The following TMEM69 variants were observed in gnomAD, a reference collection of about 807,000 sequenced individuals.
TMEM69 encodes transmembrane protein 69, also known as chromosome 1 open reading frame 154.
Under a neutral mutation model 15.8 loss-of-function variants are expected in TMEM69, and 17 were observed. The observed-to-expected ratio is 1.07, with a 90% CI of 0.73 to 1.61. The LOEUF is 1.61. Ranked by LOEUF, TMEM69 falls within the 40% of genes most tolerant of loss-of-function variation. The pLI is 0.00. For missense variants in TMEM69, 230 were observed against 286.1 expected (o/e 0.80, Z 1.41); for synonymous variants, 80 against 98.6 (o/e 0.81, Z 1.12).
At chr1:45,693,062 A>C in intron 2 of TMEM69, 142 bp from the exon 3 acceptor site, 1 of 597,230 alleles carries the variant, frequency 1.7e-6, no homozygotes, top group Non-Finnish European at 2.9e-6. Context: ...CTTTCTGTAT[A>C]GTTTGATGTG....
intron 2 of TMEM69, among the ~76,000 whole-genome samples, chr1:45,692,606 A>G (rs1293712114): frequency 6.6e-6 from 1 of 152,188 alleles, no homozygotes; most frequent in Non-Finnish European, 1.5e-5. Flanking sequence ...GGTGCTTACT[A>G]TAGGAGCATT....
At chr1:45,690,456 C>T (rs1456260580) in intron 1 of TMEM69, among the ~76,000 whole-genome samples, 4 of 151,772 alleles carry the variant, frequency 2.6e-5, no homozygotes, top group Admixed American at 1.3e-4. Context: ...GAGCCAAGAT[C>T]GCGCCACTGC....
At chr1:45,692,200 A>G (rs969343126) in intron 2 of TMEM69, among the ~76,000 whole-genome samples, 1 of 152,168 alleles carries the variant, frequency 6.6e-6, no homozygotes, top group Non-Finnish European at 1.5e-5. Context: ...GTGGAGAACT[A>G]TAAAGCAGGG....
At chr1:45,692,138 C>A (rs1645348774) in intron 2 of TMEM69, among the ~76,000 whole-genome samples, 1 of 152,118 alleles carries the variant, frequency 6.6e-6, no homozygotes, top group Admixed American at 6.5e-5. Context: ...TAGAGCAAAA[C>A]TCGGTCTCAA....
intron 1 of TMEM69, among the ~76,000 whole-genome samples, chr1:45,690,631 T>G (rs1227631611): frequency 6.6e-6 from 1 of 152,090 alleles, no homozygotes; most frequent in Non-Finnish European, 1.5e-5. Context: ...TCCAGTTTTG[T>G]TTTGGTTTTT....
chr1:45,691,973 C>A (rs1645347774), intron 2 of TMEM69, among the ~76,000 whole-genome samples: 1 of 152,080 alleles, frequency 6.6e-6, no homozygotes, highest in Non-Finnish European at 1.5e-5. Flanking sequence ...CATGGTGAAA[C>A]CCTGTCTCTA....
intron 1 of TMEM69, among the ~76,000 whole-genome samples, chr1:45,690,635 G>GTTTT (rs1304032644): frequency 3.3e-5 from 5 of 150,034 alleles, no homozygotes; most frequent in African/African-American, 1.2e-4. Flanking sequence ...GTTTTGTTTT[G>GTTTT]GTTTTTTTTT....
chr1:45,688,355 T>TGCCC (rs1645316474), intron 1 of TMEM69, 80 bp downstream of exon 1: 1 of 152,132 alleles, frequency 6.6e-6, no homozygotes, highest in Non-Finnish European at 1.5e-5. Flanking sequence ...GGGTTGGTAG[T>TGCCC]AAATTGGAGA....
intron 2 of TMEM69, among the ~76,000 whole-genome samples, chr1:45,692,908 T>C (rs890464576): frequency 7.2e-5 from 11 of 152,228 alleles, no homozygotes; most frequent in Non-Finnish European, 1.3e-4. Context: ...CCTGCTCCTC[T>C]TTCAGATATT....
rs1645314174 is a variant in TMEM69 at position 45,688,209 on chromosome 1, C to T, written c.-162C>T. ...TGCCGGAAGTGCCTTTCCAGTGGAC[C>T]TGGGCTGTTGTTGCGGTTGTTTTCC... is the stretch of plus-strand genomic sequence containing the variant. On this transcript the variant is annotated 5_prime_UTR_variant, in exon 1 of 3. Transcript: ENST00000372025. 1 of 152,296 alleles carries T rather than the reference C, an allele frequency of 6.6e-6. No individual in the cohort carries two copies. The highest frequency in any genetic ancestry group is 1.5e-5 in the Non-Finnish European group (1 of 68,066). 9.4% of individuals were successfully genotyped at this position (152,296 alleles called of 1,614,324 possible). A position where few individuals can be genotyped will look rare whatever the true frequency, so the allele number is the denominator to read the frequency against.
Position 45,693,450 on chromosome 1 carries a change from G to C in TMEM69, c.289G>C (p.Ala97Pro), listed in dbSNP as rs753187582. The C allele has an allele frequency of 1.6e-5, 26 of 1,614,072 alleles. No homozygotes were observed. In the Admixed American group the frequency reaches 4.0e-4, roughly 25 times the overall value. Residue 97 changes from alanine (A) to proline (P), a missense_variant, in exon 3 of 3, where the codon GCA (alanine) becomes CCA (proline). Coordinates refer to ENST00000372025, the MANE Select transcript of TMEM69 (RefSeq NM_016486.4). ...ITYLTDSPKP[A>P]LCVTLAGLIP... Reference sequence around the variant, plus strand: ...TTACCTAACTGACAGCCCAAAGCCAGCATTATGTGTAACTCTGGCAGGACT... The same window carrying C: ...TTACCTAACTGACAGCCCAAAGCCACCATTATGTGTAACTCTGGCAGGACT...
At chr1:45,689,881 G>A (rs953040379) in intron 1 of TMEM69, among the ~76,000 whole-genome samples, 1 of 152,042 alleles carries the variant, frequency 6.6e-6, no homozygotes, top group Non-Finnish European at 1.5e-5. Context: ...TGTAGTCCCA[G>A]CTCCTTAGAG....
intron 1 of TMEM69, among the ~76,000 whole-genome samples, chr1:45,689,698 C>T (rs1049009374): frequency 2.0e-5 from 3 of 152,116 alleles, no homozygotes; most frequent in Middle Eastern, 3.2e-3. Context: ...ATGAGCTGGG[C>T]GTGGTGGCAT....
At position 45,693,485 on chromosome 1, in the gene TMEM69, C is replaced by T. The variant is rs61735666; in HGVS notation, c.324C>T (p.Phe108=). The T allele has an allele frequency of 7.0e-3, 11,343 of 1,614,192 alleles. 63 individuals carry two copies. Among genetic ancestry groups the T allele is most frequent in the South Asian group, 0.013 (1,225 of 91,062 alleles). Residue 108 remains phenylalanine (F), a synonymous_variant, in exon 3 of 3, where the codon TTC becomes TTT. Transcript: ENST00000372025. ...LCVTLAGLIP[F]VAPPLVMLMT... The stretch of plus-strand genomic sequence containing the variant: ...TAACTCTGGCAGGACTAATCCCCTT[C>T]GTTGCTCCACCACTGGTCATGCTGA...
chr1:45,690,087 A>G (rs192914518), intron 1 of TMEM69, among the ~76,000 whole-genome samples: 2 of 152,364 alleles, frequency 1.3e-5, no homozygotes, highest in African/African-American at 4.8e-5. Context: ...TAATTTGTTC[A>G]AAGACACACA....
At chr1:45,691,415 C>T (rs10890342) in intron 2 of TMEM69, among the ~76,000 whole-genome samples, 43,071 of 151,912 alleles carry the variant, frequency 0.28, 6,242 homozygotes, top group South Asian at 0.37. Flanking sequence ...TGGGGTCACA[C>T]GCCTATAGCC....
At position 45,693,394 on chromosome 1, in the gene TMEM69, C is replaced by T; in HGVS notation, c.233C>T (p.Ala78Val). ...PCSFKKQQKQALLARPSSTIT... is the reference protein window; with the variant it reads ...PCSFKKQQKQVLLARPSSTIT... Reference sequence around the variant, plus strand: ...AGCTTTAAAAAGCAGCAGAAGCAAGCACTTCTAGCCAGACCCTCAAGCACC... The same window carrying T: ...AGCTTTAAAAAGCAGCAGAAGCAAGTACTTCTAGCCAGACCCTCAAGCACC... The change falls in exon 3 of 3, where the codon GCA (alanine) becomes GTA (valine). Residue 78 changes from alanine (A) to valine (V), a missense_variant. By Grantham distance (64) the Ala-to-Val change is moderately conservative. Transcript: ENST00000372025. 1.9e-6 allele frequency: 3 copies of T among 1,614,172 alleles called. No individual in the cohort carries two copies. Among genetic ancestry groups the T allele is most frequent in the South Asian group, 2.2e-5 (2 of 91,082 alleles).
chr1:45,688,618 A>G (rs1453021478), intron 1 of TMEM69, among the ~76,000 whole-genome samples: 1 of 152,124 alleles, frequency 6.6e-6, no homozygotes, highest in African/African-American at 2.4e-5. Flanking sequence ...GCCACAGAGG[A>G]AAGGGAGTTT....
chr1:45,693,844 T>C lies in TMEM69; in HGVS notation c.683T>C (p.Ile228Thr). Residue 228 changes from isoleucine (I) to threonine (T), a missense_variant, in exon 3 of 3, where the codon ATC (isoleucine) becomes ACC (threonine). Coordinates refer to ENST00000372025, the MANE Select transcript of TMEM69 (RefSeq NM_016486.4). ...TTATTGGCCACTTTTTCATTTATAATCACTTTAGTAGTTAAAAGTAGTTTT... is the reference window on the plus strand; with the variant it reads ...TTATTGGCCACTTTTTCATTTATAACCACTTTAGTAGTTAAAAGTAGTTTT... Reference protein sequence around the residue: ...VTLLATFSFIITLVVKSSFPE... With the variant: ...VTLLATFSFITTLVVKSSFPE... 6.2e-7 allele frequency: 1 copy of C among 1,613,940 alleles called. No homozygotes were observed. The highest frequency in any genetic ancestry group is 2.2e-5 in the East Asian group (1 of 44,888).
Sources: gnomAD v4.1 joint callset for allele counts (sites outside exome capture counted in the v4.1 genomes callset) on GRCh38, gnomAD v4.1.1 for gene constraint, MANE v1.5 for transcripts, NCBI Gene and HGNC (gene_info 2026-07-23, HGNC 2026-07-21) for gene names.